The following FBXO25 variants were observed in gnomAD, a reference collection of about 807,000 sequenced individuals.
FBXO25 encodes the protein F-box only protein 25.
In FBXO25, 45 loss-of-function variants were observed where a neutral mutation model predicts 51.9. The observed-to-expected ratio is 0.87, with a 90% CI of 0.68 to 1.11. FBXO25 has a LOEUF of 1.11. FBXO25 is among the 50% of genes most tolerant of loss of function. The pLI, the probability that FBXO25 is intolerant of heterozygous loss-of-function variation, is 0.00. For missense variants in FBXO25, 507 were observed against 428.5 expected, an observed-to-expected ratio of 1.18 and a Z score of -1.62; for synonymous variants, 199 against 151.0, an observed-to-expected ratio of 1.32 and a Z score of -2.33.
intron 6 of FBXO25, 114 bp downstream of exon 6, chr8:450,197 G>A (rs991250154): frequency 6.7e-6 from 4 of 597,518 alleles, no homozygotes; most frequent in Admixed American, 7.1e-5. Context: ...AAACAATTGT[G>A]TAAATAATGT....
intron 6 of FBXO25, 109 bp from the exon 7 acceptor site, chr8:451,160 G>C: frequency 1.2e-6 from 1 of 852,656 alleles, no homozygotes; most frequent in South Asian, 1.9e-5. Context: ...TAGATCACAC[G>C]TTGTTTGTCT....
In FBXO25 at chr8:413,900, C is replaced by G. The variant is rs148423585; in HGVS notation, c.134+687C>G. 1.5e-3 allele frequency among the ~76,000 whole-genome samples: 233 copies of G among 152,272 alleles called. 1 individual carries two copies. Among genetic ancestry groups the G allele is most frequent in the Middle Eastern group, 3.4e-3 (1 of 294 alleles). ...ACCAGAGACTGCATGAGCACAGTAC[C>G]AGGGTAGGTGGCTATTGTATGATGA... On this transcript the variant is annotated intron_variant, in intron 2 of 9. Transcript: ENST00000350302.
chr8:408,116 T>G (rs1796274506), intron 1 of FBXO25, among the ~76,000 whole-genome samples: 1 of 152,208 alleles, frequency 6.6e-6, no homozygotes, highest in South Asian at 2.1e-4. Flanking sequence ...ACAACTTATT[T>G]CTGACTCTCA....
intron 8 of FBXO25, among the ~76,000 whole-genome samples, chr8:462,183 C>G (rs1799859664): frequency 6.6e-6 from 1 of 152,154 alleles, no homozygotes. Flanking sequence ...TTGATTAAAG[C>G]CATTCTAGTG....
rs1042448943 is a variant in FBXO25 at position 473,520 on chromosome 8, G to C, written c.*4716G>C. The C allele has an allele frequency of 6.6e-6, 1 of 152,230 alleles. No individual in the cohort carries two copies. The highest frequency in any genetic ancestry group is 6.5e-5 in the Admixed American group (1 of 15,284). The allele number at this position is 152,230 out of a possible 1,614,324, so 9.4% of individuals were successfully genotyped here. ...GCTTTTCACGTGAATGCCTAGGAGA[G>C]GCTGTTAACCCTCCTAGTTGTCCTT... On this transcript the variant is annotated 3_prime_UTR_variant, in exon 10 of 10. Transcript: ENST00000350302.
Position 451,279 on chromosome 8 carries a change from C to A in FBXO25, c.486C>A (p.Asp162Glu), listed in dbSNP as rs537982331. 1.3e-6 allele frequency: 2 copies of A among 1,598,108 alleles called. No individual in the cohort carries two copies. Among genetic ancestry groups the A allele is most frequent in the African/African-American group, 1.4e-5 (1 of 73,894 alleles). Residue 162 changes from aspartate to glutamate, a missense_variant, in exon 7 of 10, where the codon GAC becomes GAA. Asp to Glu is a conservative substitution (Grantham distance 45). Coordinates refer to ENST00000350302, the MANE Select transcript of FBXO25 (RefSeq NM_183420.2). Reference sequence around the variant, plus strand: ...TTTTATTTATTCCAGTTCTTGATGACCACCACAATCCTCGCTTAATCAAAG... The same window carrying A: ...TTTTATTTATTCCAGTTCTTGATGAACACCACAATCCTCGCTTAATCAAAG... ...LDKIVQKVLD[D>E]HHNPRLIKDL...
chr8:439,832 C>T (rs1798319958), intron 5 of FBXO25, among the ~76,000 whole-genome samples: 1 of 152,182 alleles, frequency 6.6e-6, no homozygotes, highest in Non-Finnish European at 1.5e-5. Flanking sequence ...CTTTGGGAGG[C>T]TGAGGCAGGA....
At chr8:417,456 A>T (rs1231685511) in intron 2 of FBXO25, among the ~76,000 whole-genome samples, 1 of 152,230 alleles carries the variant, frequency 6.6e-6, no homozygotes, top group African/African-American at 2.4e-5. Context: ...TGCAGGTGGA[A>T]CTGACACATG....
At chr8:439,827 G>A (rs887731345) in intron 5 of FBXO25, among the ~76,000 whole-genome samples, 4 of 152,164 alleles carry the variant, frequency 2.6e-5, no homozygotes, top group African/African-American at 9.7e-5. Context: ...CAGCACTTTG[G>A]GAGGCTGAGG....
At position 469,018 on chromosome 8, in the gene FBXO25, ACTC is replaced by A. The variant is rs1800378111; in HGVS notation, c.*217_*219del. 2.0e-6 allele frequency: 1 copy of A among 503,240 alleles called. No individual in the cohort carries two copies. The highest frequency in any genetic ancestry group is 3.5e-6 in the Non-Finnish European group (1 of 286,448). The allele number at this position is 503,240 out of a possible 1,614,324, so 31.2% of individuals were successfully genotyped here. A position where few individuals can be genotyped will look rare whatever the true frequency, so the allele number is the denominator to read the frequency against. On this transcript the variant is annotated 3_prime_UTR_variant, in exon 10 of 10. Coordinates refer to ENST00000350302, the MANE Select transcript of FBXO25 (RefSeq NM_183420.2). ...GGAAATCATTTCTACTTCTTTAAAA[ACTC>A]CTTCTAAGCATATTAAAATGTGAAA...
intron 7 of FBXO25, among the ~76,000 whole-genome samples, chr8:451,916 G>GT (rs1200999452): frequency 1.3e-5 from 2 of 152,090 alleles, no homozygotes; most frequent in Non-Finnish European, 2.9e-5. Flanking sequence ...AATCATGTCA[G>GT]TTTTTTTGAT....
chr8:428,206 T>C (rs1308323648), intron 2 of FBXO25, among the ~76,000 whole-genome samples: 3 of 152,152 alleles, frequency 2.0e-5, no homozygotes, highest in Non-Finnish European at 4.4e-5. Flanking sequence ...GTCCTTGGGA[T>C]TGTCAGAGGA....
At chr8:411,100 T>G (rs1796460968) in intron 1 of FBXO25, among the ~76,000 whole-genome samples, 1 of 152,198 alleles carries the variant, frequency 6.6e-6, no homozygotes, top group South Asian at 2.1e-4. Flanking sequence ...GATGTAAATA[T>G]TCTACATTTT....
chr8:435,646 T>C lies in FBXO25; in HGVS notation c.320T>C (p.Phe107Ser). The C allele has an allele frequency of 6.2e-7, 1 of 1,606,434 alleles. No individual in the cohort carries two copies. The change falls in exon 5 of 10, where the codon TTT becomes TCT. Residue 107 changes from phenylalanine (F) to serine (S), a missense_variant. Physicochemically the swap from Phe to Ser is radical, Grantham distance 155 (BLOSUM62 -2). Transcript: ENST00000350302. ...GGCTATTGCACCTTGGGAGAAGCCT[T>C]TAATCGGTTAGACTTCTCAAGTGCA... Reference protein sequence around the residue: ...RHGYCTLGEAFNRLDFSSAIQ... With the variant: ...RHGYCTLGEASNRLDFSSAIQ...
In FBXO25 at chr8:413,142, C is replaced by G; in HGVS notation, c.63C>G (p.Gly21=). 6.2e-7 allele frequency: 1 copy of G among 1,610,652 alleles called. No homozygotes were observed. The highest frequency in any genetic ancestry group is 1.1e-5 in the South Asian group (1 of 90,366). The change falls in exon 2 of 10, where the codon GGC becomes GGG. Residue 21 remains glycine (G), a synonymous_variant. Coordinates refer to ENST00000350302, the MANE Select transcript of FBXO25 (RefSeq NM_183420.2). ...PGWSWIKTED[G]WKRCESCSQK... The stretch of plus-strand genomic sequence containing the variant: ...GGAGTTGGATTAAGACAGAAGATGG[C>G]TGGAAGAGATGTGAATCTTGTAGTC...
intron 2 of FBXO25, among the ~76,000 whole-genome samples, chr8:418,569 A>C (rs960234066): frequency 1.3e-5 from 2 of 151,194 alleles, no homozygotes; most frequent in African/African-American, 4.9e-5. Context: ...TGATCTCTTG[A>C]CCTCAGGTGA....
At chr8:455,515 A>G (rs1367006398) in intron 7 of FBXO25, among the ~76,000 whole-genome samples, 1 of 152,242 alleles carries the variant, frequency 6.6e-6, no homozygotes, top group African/African-American at 2.4e-5. Context: ...ACTTGGGGCC[A>G]GGCAGACTGG....
intron 2 of FBXO25, among the ~76,000 whole-genome samples, chr8:425,717 G>C (rs1036247917): frequency 6.6e-6 from 1 of 151,594 alleles, no homozygotes; most frequent in African/African-American, 2.4e-5. Flanking sequence ...GCCTTTTATA[G>C]CTGTATATCT....
Position 470,698 on chromosome 8 carries a change from T to C in FBXO25, c.*1894T>C, listed in dbSNP as rs1318116908. 5.3e-5 allele frequency: 8 copies of C among 152,334 alleles called. No homozygotes were observed. The East Asian group carries it at 1.4e-3, about 26-fold the overall frequency. 9.4% of individuals were successfully genotyped at this position (152,334 alleles called of 1,614,324 possible). A position where few individuals can be genotyped will look rare whatever the true frequency, so the allele number is the denominator to read the frequency against. ...GTCCAGCTGAGAAAAGAAATTGTTCTAATCTAGGAAAGGGAGTAAGTACAT... is the reference window on the plus strand; with the variant it reads ...GTCCAGCTGAGAAAAGAAATTGTTCCAATCTAGGAAAGGGAGTAAGTACAT... On this transcript the variant is annotated 3_prime_UTR_variant, in exon 10 of 10. Coordinates refer to ENST00000350302, the MANE Select transcript of FBXO25 (RefSeq NM_183420.2).
Sources: gnomAD v4.1 joint callset for allele counts (sites outside exome capture counted in the v4.1 genomes callset) on GRCh38, gnomAD v4.1.1 for gene constraint, MANE v1.5 for transcripts, NCBI Gene and HGNC (gene_info 2026-07-23, HGNC 2026-07-21) for gene names.